SIL1: variants seen among roughly 807,000 people sequenced by gnomAD.
SIL1 encodes the protein SIL1 nucleotide exchange factor.
A neutral mutation model predicts 49.1 loss-of-function variants in SIL1; 40 were observed. That is an observed-to-expected ratio of 0.81 (90% CI 0.63 to 1.06). The LOEUF is 1.06. SIL1 is among the 50% of genes least tolerant of loss of function. The pLI is 0.00. For synonymous variants in SIL1, 253 were observed against 250.8 expected (o/e 1.01, Z -0.08); for missense variants, 500 against 572.6 (o/e 0.87, Z 1.29).
intron 7 of SIL1, among the ~76,000 whole-genome samples, chr5:138,955,255 G>A (rs1224296050): frequency 6.6e-6 from 1 of 152,182 alleles, no homozygotes; most frequent in Non-Finnish European, 1.5e-5. Flanking sequence ...TCTCCGATGC[G>A]ATAAATGAGA....
At chr5:139,135,708 G>A (rs374389204) in intron 1 of SIL1, among the ~76,000 whole-genome samples, 25 of 92,014 alleles carry the variant, frequency 2.7e-4, no homozygotes, top group African/African-American at 9.8e-4. Flanking sequence ...AAACAAACTA[G>A]CAAAAAAAAA....
At chr5:139,016,411 T>C (rs926885935) in intron 7 of SIL1, among the ~76,000 whole-genome samples, 2 of 152,146 alleles carry the variant, frequency 1.3e-5, no homozygotes, top group Non-Finnish European at 2.9e-5. Flanking sequence ...TGGACTTAAA[T>C]GTAGACACTA....
At chr5:138,995,019 T>C (rs1477738527) in intron 7 of SIL1, among the ~76,000 whole-genome samples, 1 of 152,200 alleles carries the variant, frequency 6.6e-6, no homozygotes, top group Non-Finnish European at 1.5e-5. Context: ...GCTCCATTCA[T>C]GTCCTGCAAA....
intron 1 of SIL1, among the ~76,000 whole-genome samples, chr5:139,194,962 C>T (rs1752237722): frequency 6.6e-6 from 1 of 151,396 alleles, no homozygotes; most frequent in Non-Finnish European, 1.5e-5. Flanking sequence ...GAATCTCTCG[C>T]TCTATCACCC....
At chr5:138,986,333 CTG>C (rs1256087653) in intron 7 of SIL1, among the ~76,000 whole-genome samples, 3 of 152,208 alleles carry the variant, frequency 2.0e-5, no homozygotes, top group African/African-American at 7.2e-5. Context: ...AGATGTGTCT[CTG>C]AGTTTCAATG....
intron 7 of SIL1, 151 bp downstream of exon 7, chr5:139,021,020 A>G: frequency 9.1e-7 from 1 of 1,097,910 alleles, no homozygotes; most frequent in Non-Finnish European, 1.4e-6. Flanking sequence ...ATTCCTATCT[A>G]CTTGGAATAA....
At chr5:138,991,320 A>G (rs569401644) in intron 7 of SIL1, among the ~76,000 whole-genome samples, 11 of 152,396 alleles carry the variant, frequency 7.2e-5, no homozygotes, top group African/African-American at 2.4e-4. Flanking sequence ...AATTAGCTTT[A>G]GACCTCAAGG....
intron 5 of SIL1, among the ~76,000 whole-genome samples, chr5:139,030,400 C>T (rs1168678347): frequency 2.0e-5 from 3 of 151,916 alleles, no homozygotes; most frequent in Non-Finnish European, 4.4e-5. Context: ...TCACTTGAAC[C>T]TGGGAGGTGG....
At chr5:139,160,186 C>CACACAA (rs1751484892) in intron 1 of SIL1, among the ~76,000 whole-genome samples, 1 of 139,064 alleles carries the variant, frequency 7.2e-6, no homozygotes, top group East Asian at 2.0e-4. Flanking sequence ...CACACACACA[C>CACACAA]AAAAGTTATA....
At chr5:139,016,650 G>A (rs1768406493) in intron 7 of SIL1, among the ~76,000 whole-genome samples, 2 of 152,110 alleles carry the variant, frequency 1.3e-5, no homozygotes, top group African/African-American at 2.4e-5. Context: ...GCAGCCAAGA[G>A]GTAAAGTTCC....
chr5:139,037,030 T>C (rs1260603323), intron 5 of SIL1, among the ~76,000 whole-genome samples: 7 of 152,074 alleles, frequency 4.6e-5, no homozygotes, highest in African/African-American at 1.7e-4. Context: ...GGTCTGCTGG[T>C]GAGAAATTTT....
chr5:139,168,957 C>CAA (rs1241500802), intron 1 of SIL1, among the ~76,000 whole-genome samples: 189 of 98,922 alleles, frequency 1.9e-3, no homozygotes, highest in African/African-American at 4.7e-3. Context: ...GACCCTGTCT[C>CAA]AAAAAAAAAA....
At chr5:139,101,487 T>G (rs1770586603) in intron 3 of SIL1, among the ~76,000 whole-genome samples, 2 of 152,248 alleles carry the variant, frequency 1.3e-5, no homozygotes, top group African/African-American at 4.8e-5. Flanking sequence ...GTTATTGACC[T>G]GTGTGGCTAA....
At chr5:139,194,280 T>C (rs1028182135) in intron 1 of SIL1, among the ~76,000 whole-genome samples, 1 of 152,186 alleles carries the variant, frequency 6.6e-6, no homozygotes, top group Non-Finnish European at 1.5e-5. Context: ...TCTCCACATG[T>C]GTCTGAGCAG....
At chr5:139,068,858 A>G (rs1284993146) in intron 3 of SIL1, among the ~76,000 whole-genome samples, 1 of 152,192 alleles carries the variant, frequency 6.6e-6, no homozygotes, top group Non-Finnish European at 1.5e-5. Flanking sequence ...AATGAAAGTA[A>G]GCCAGAAAGA....
At chr5:139,194,953 A>G (rs577078635) in intron 1 of SIL1, among the ~76,000 whole-genome samples, 2 of 151,158 alleles carry the variant, frequency 1.3e-5, no homozygotes, top group African/African-American at 4.9e-5. Flanking sequence ...TTTGAGACAG[A>G]ATCTCTCGCT....
intron 1 of SIL1, among the ~76,000 whole-genome samples, chr5:139,144,728 G>A (rs941264123): frequency 1.4e-4 from 21 of 151,990 alleles, no homozygotes; most frequent in South Asian, 4.2e-4. Context: ...AAAATTAGCC[G>A]GGCGTGGTGG....
At chr5:139,142,047 GT>G (rs1751090153) in intron 1 of SIL1, among the ~76,000 whole-genome samples, 1 of 152,196 alleles carries the variant, frequency 6.6e-6, no homozygotes, top group South Asian at 2.1e-4. Flanking sequence ...TGTAAGGGCA[GT>G]TTCCAGGCTG....
intron 1 of SIL1, among the ~76,000 whole-genome samples, chr5:139,187,247 A>G (rs888315401): frequency 6.6e-6 from 1 of 152,198 alleles, no homozygotes; most frequent in African/African-American, 2.4e-5. Context: ...GGCTGGGTGC[A>G]GTGGCTCACG....
Sources: allele counts gnomAD v4.1 joint callset (sites outside exome capture counted in the v4.1 genomes callset), GRCh38; gene constraint gnomAD v4.1.1; transcripts MANE v1.5; gene names NCBI Gene and HGNC (gene_info 2026-07-23, HGNC 2026-07-21).